The following ROBO1 variants were observed in gnomAD, a reference collection of about 807,000 sequenced individuals.
ROBO1 encodes roundabout homolog 1.
In ROBO1, 149 loss-of-function variants were observed where a neutral mutation model predicts 195.9. That is an observed-to-expected ratio of 0.76 (90% CI 0.67 to 0.87). The LOEUF is 0.87. Ranked by LOEUF, ROBO1 falls within the 40% of genes least tolerant of loss-of-function variation. ROBO1 has a pLI of 0.00. For synonymous variants in ROBO1, 816 were observed against 733.2 expected (o/e 1.11, Z -1.82); for missense variants, 1,933 against 2,068.3 (o/e 0.93, Z 1.27).
intron 2 of ROBO1, among the ~76,000 whole-genome samples, chr3:79,181,196 G>A (rs1018464218): frequency 6.6e-6 from 1 of 152,006 alleles, no homozygotes; most frequent in Non-Finnish European, 1.5e-5. Flanking sequence ...TCTTCTCTCT[G>A]TTCTAGACTG....
intron 2 of ROBO1, among the ~76,000 whole-genome samples, chr3:79,384,681 TATG>T (rs1472965413): frequency 6.6e-6 from 1 of 152,040 alleles, no homozygotes; most frequent in African/African-American, 2.4e-5. Context: ...CAAGTTAAAT[TATG>T]ATAAGTCCTA....
At chr3:78,898,293 CA>C (rs2037361685) in intron 4 of ROBO1, among the ~76,000 whole-genome samples, 1 of 139,686 alleles carries the variant, frequency 7.2e-6, no homozygotes, top group Non-Finnish European at 1.5e-5. Context: ...CTCAAAATAA[CA>C]AAAGTGCAAT....
intron 1 of ROBO1, among the ~76,000 whole-genome samples, chr3:79,721,428 C>A (rs1205610625): frequency 6.6e-6 from 1 of 152,046 alleles, no homozygotes; most frequent in Non-Finnish European, 1.5e-5. Context: ...ACTCATGAAT[C>A]TTTAATCAAG....
At chr3:79,491,695 A>T (rs1230278696) in intron 2 of ROBO1, among the ~76,000 whole-genome samples, 3 of 151,996 alleles carry the variant, frequency 2.0e-5, no homozygotes, top group African/African-American at 7.3e-5. Flanking sequence ...TTGAATTCTG[A>T]TTGCATCTTT....
chr3:79,143,823 C>T (rs181905528), intron 2 of ROBO1, among the ~76,000 whole-genome samples: 151 of 152,044 alleles, frequency 9.9e-4, no homozygotes, highest in African/African-American at 3.3e-3. Flanking sequence ...GGGTCATTCA[C>T]GCTGCCCTTT....
chr3:79,211,148 GTTTTTC>G lies in ROBO1; in HGVS notation c.89-85615_89-85610del, dbSNP rs2081960429. Among the ~76,000 whole-genome samples, 3 of 151,868 alleles carry G rather than the reference GTTTTTC, an allele frequency of 2.0e-5. No individual in the cohort carries two copies. In the South Asian group the frequency reaches 6.2e-4, roughly 31 times the overall value. ...ACATAATAATTAAAGAATTTTTTTA[GTTTTTC>G]TTTATACAAGTTTTTTTATTATTAT... On this transcript the variant is annotated intron_variant, in intron 2 of 30. Transcript: ENST00000464233.
At chr3:79,659,429 T>G (rs1946264830) in intron 1 of ROBO1, among the ~76,000 whole-genome samples, 1 of 152,010 alleles carries the variant, frequency 6.6e-6, no homozygotes, top group Non-Finnish European at 1.5e-5. Flanking sequence ...AGTCTACTTG[T>G]GTAGGAAGTA....
intron 4 of ROBO1, among the ~76,000 whole-genome samples, chr3:78,762,072 T>C (rs754438748): frequency 6.6e-6 from 1 of 152,028 alleles, no homozygotes; most frequent in Non-Finnish European, 1.5e-5. Context: ...TTAACAATAA[T>C]AATGCAAGAT....
intron 4 of ROBO1, among the ~76,000 whole-genome samples, chr3:78,779,137 T>C (rs2083593963): frequency 6.6e-6 from 1 of 152,004 alleles, no homozygotes; most frequent in Non-Finnish European, 1.5e-5. Context: ...ATGTAAAACC[T>C]AAAACCATAA....
intron 4 of ROBO1, among the ~76,000 whole-genome samples, chr3:78,825,206 A>T (rs1420267825): frequency 2.0e-5 from 3 of 152,196 alleles, no homozygotes; most frequent in Non-Finnish European, 4.4e-5. Flanking sequence ...GCATTTCTAA[A>T]ACTTGAAAAA....
At chr3:79,415,735 A>G (rs969201951) in intron 2 of ROBO1, among the ~76,000 whole-genome samples, 2 of 152,186 alleles carry the variant, frequency 1.3e-5, no homozygotes, top group African/African-American at 2.4e-5. Context: ...ACCAGTTAGA[A>G]GACCATCTGA....
chr3:78,633,102 G>C (rs1705277923), intron 24 of ROBO1, among the ~76,000 whole-genome samples: 2 of 152,146 alleles, frequency 1.3e-5, no homozygotes, highest in Admixed American at 6.5e-5. Flanking sequence ...ACAGAAGAAG[G>C]GTGGAGACTC....
chr3:79,531,987 T>C (rs1213781099), intron 2 of ROBO1, among the ~76,000 whole-genome samples: 2 of 152,102 alleles, frequency 1.3e-5, no homozygotes, highest in Non-Finnish European at 2.9e-5. Context: ...ACGATCTGTT[T>C]GAGAGAGAAT....
chr3:79,735,474 G>A (rs892268419), intron 1 of ROBO1, among the ~76,000 whole-genome samples: 1 of 152,136 alleles, frequency 6.6e-6, no homozygotes, highest in African/African-American at 2.4e-5. Context: ...TCTGTTATTT[G>A]GAGAAAGTCA....
chr3:79,025,221 G>A (rs1017176654), intron 3 of ROBO1, among the ~76,000 whole-genome samples: 29 of 152,176 alleles, frequency 1.9e-4, no homozygotes, highest in African/African-American at 6.7e-4. Flanking sequence ...CTGTGAACTC[G>A]CACTCTCCCT....
chr3:79,196,697 T>C (rs2081644297), intron 2 of ROBO1, among the ~76,000 whole-genome samples: 1 of 151,828 alleles, frequency 6.6e-6, no homozygotes, highest in Admixed American at 6.6e-5. Context: ...ACGATCAATC[T>C]GCTTTTTACC....
chr3:79,714,347 C>A (rs1702393006), intron 1 of ROBO1, among the ~76,000 whole-genome samples: 1 of 152,088 alleles, frequency 6.6e-6, no homozygotes, highest in Admixed American at 6.6e-5. Context: ...AGTCAGGAAA[C>A]AACAGATGCT....
intron 4 of ROBO1, among the ~76,000 whole-genome samples, chr3:78,753,879 T>C (rs1181688571): frequency 2.0e-5 from 3 of 152,232 alleles, no homozygotes; most frequent in African/African-American, 7.2e-5. Context: ...TAACTTACTG[T>C]ATGTTTGCAT....
At chr3:79,606,952 G>C (rs1440614046) in intron 1 of ROBO1, among the ~76,000 whole-genome samples, 1 of 151,920 alleles carries the variant, frequency 6.6e-6, no homozygotes, top group Non-Finnish European at 1.5e-5. Flanking sequence ...TTTCTATACA[G>C]TAAGTCCCCG....
Sources: gnomAD v4.1 joint callset for allele counts (sites outside exome capture counted in the v4.1 genomes callset) on GRCh38, gnomAD v4.1.1 for gene constraint, MANE v1.5 for transcripts, NCBI Gene and HGNC (gene_info 2026-07-23, HGNC 2026-07-21) for gene names.